The following SPSB4 variants were observed in gnomAD, a reference collection of about 807,000 sequenced individuals.
SPSB4 encodes splA/ryanodine receptor domain and SOCS box containing 4.
Under a neutral mutation model 20.9 loss-of-function variants are expected in SPSB4, and 21 were observed. The observed-to-expected ratio is 1.01, with a 90% confidence interval of 0.71 to 1.45. The LOEUF is 1.45. Among genes scored for constraint, SPSB4 ranks in the 40% most tolerant of loss-of-function variants. The pLI is 0.00. For missense variants in SPSB4, 399 were observed against 399.2 expected (o/e 1.00, Z 0.00); for synonymous variants, 207 against 183.8 (o/e 1.13, Z -1.02).
intron 1 of SPSB4, among the ~76,000 whole-genome samples, chr3:141,059,898 AAC>A (rs745465209): frequency 6.6e-6 from 1 of 152,250 alleles, no homozygotes; most frequent in Non-Finnish European, 1.5e-5. Flanking sequence ...CAGCACTTCC[AAC>A]CAGTCTCAGA....
intron 1 of SPSB4, among the ~76,000 whole-genome samples, chr3:141,064,398 G>A (rs1391706466): frequency 6.6e-6 from 1 of 152,198 alleles, no homozygotes; most frequent in African/African-American, 2.4e-5. Context: ...ACTGCCTAGT[G>A]TTGCAAATTG....
At chr3:141,059,275 G>A (rs1937718131) in intron 1 of SPSB4, among the ~76,000 whole-genome samples, 1 of 152,116 alleles carries the variant, frequency 6.6e-6, no homozygotes, top group Admixed American at 6.5e-5. Flanking sequence ...CTATCACACT[G>A]GGGCTTTGTG....
intron 1 of SPSB4, among the ~76,000 whole-genome samples, chr3:141,054,707 C>T (rs560373349): frequency 1.3e-5 from 2 of 152,184 alleles, no homozygotes; most frequent in Non-Finnish European, 2.9e-5. Context: ...GGTTCATGCC[C>T]GTAATCCCAG....
At chr3:141,067,843 G>T (rs1937921354) in intron 2 of SPSB4, among the ~76,000 whole-genome samples, 1 of 152,192 alleles carries the variant, frequency 6.6e-6, no homozygotes, top group Non-Finnish European at 1.5e-5. Flanking sequence ...CAGAGGTGGC[G>T]CTGAAAGCTA....
At chr3:141,052,319 G>A (rs762067385) in intron 1 of SPSB4, among the ~76,000 whole-genome samples, 7 of 152,194 alleles carry the variant, frequency 4.6e-5, no homozygotes, top group Non-Finnish European at 8.8e-5. Flanking sequence ...CCTTGGACAG[G>A]GCGCCAAACC....
At chr3:141,096,758 T>C (rs1191716655) in intron 2 of SPSB4, among the ~76,000 whole-genome samples, 1 of 152,244 alleles carries the variant, frequency 6.6e-6, no homozygotes, top group Non-Finnish European at 1.5e-5. Context: ...AATGCTTTTT[T>C]TTGGTAGATG....
At chr3:141,137,817 A>C (rs1939253522) in intron 2 of SPSB4, among the ~76,000 whole-genome samples, 1 of 152,184 alleles carries the variant, frequency 6.6e-6, no homozygotes, top group African/African-American at 2.4e-5. Flanking sequence ...TGTCTCTGAC[A>C]GGCTTTGGTA....
At chr3:141,059,436 A>C (rs2107775683) in intron 1 of SPSB4, among the ~76,000 whole-genome samples, 1 of 147,438 alleles carries the variant, frequency 6.8e-6, no homozygotes. Context: ...GGAAGCTTAC[A>C]GTCATGGCAG....
At chr3:141,086,431 G>C (rs1163092472) in intron 2 of SPSB4, among the ~76,000 whole-genome samples, 1 of 152,200 alleles carries the variant, frequency 6.6e-6, no homozygotes, top group Admixed American at 6.5e-5. Context: ...CAGTTTCCTT[G>C]CCTGTAAAAT....
Position 141,138,633 on chromosome 3 carries a change from A to G in SPSB4, c.695-8509A>G, listed in dbSNP as rs553670690. Among the ~76,000 whole-genome samples the G allele has an allele frequency of 4.3e-4, 65 of 152,258 alleles. 1 individual carries two copies. The highest frequency in any genetic ancestry group is 1.8e-3 in the Admixed American group (28 of 15,298). On this transcript the variant is annotated intron_variant, in intron 2 of 2. Coordinates refer to ENST00000310546, the MANE Select transcript of SPSB4 (RefSeq NM_080862.3). ...GGAGCAGGTTGTTCAGTTTCCATGCAATTGAGTGGTTTTGAGTGAGTTTCT... is the reference window on the plus strand; with the variant it reads ...GGAGCAGGTTGTTCAGTTTCCATGCGATTGAGTGGTTTTGAGTGAGTTTCT...
chr3:141,054,161 T>C (rs1166311774), intron 1 of SPSB4, among the ~76,000 whole-genome samples: 1 of 152,198 alleles, frequency 6.6e-6, no homozygotes, highest in Non-Finnish European at 1.5e-5. Context: ...CTAGTACAAC[T>C]CACCATACAG....
chr3:141,139,065 G>A (rs927837694), intron 2 of SPSB4, among the ~76,000 whole-genome samples: 6 of 152,062 alleles, frequency 3.9e-5, no homozygotes, highest in Non-Finnish European at 8.8e-5. Flanking sequence ...CTTCTTGTTG[G>A]ATGGATCCCT....
chr3:141,081,331 T>C (rs1405340590), intron 2 of SPSB4, among the ~76,000 whole-genome samples: 1 of 152,162 alleles, frequency 6.6e-6, no homozygotes, highest in South Asian at 2.1e-4. Context: ...AAAGTTCTAC[T>C]GGATGGGGCT....
chr3:141,115,518 G>A (rs1381629435), intron 2 of SPSB4, among the ~76,000 whole-genome samples: 3 of 152,172 alleles, frequency 2.0e-5, no homozygotes. Flanking sequence ...TATTCAGTTA[G>A]GTTACCTGCC....
At chr3:141,118,482 C>G (rs1938915554) in intron 2 of SPSB4, among the ~76,000 whole-genome samples, 1 of 152,162 alleles carries the variant, frequency 6.6e-6, no homozygotes. Flanking sequence ...TGTGCAGAAG[C>G]TCTTTAGTTT....
chr3:141,146,794 G>A (rs1026520436), intron 2 of SPSB4, among the ~76,000 whole-genome samples: 6 of 150,560 alleles, frequency 4.0e-5, no homozygotes, highest in Non-Finnish European at 7.4e-5. Flanking sequence ...AAAAAGACAC[G>A]CTGAACACCT....
intron 2 of SPSB4, among the ~76,000 whole-genome samples, chr3:141,099,848 G>A (rs1474225916): frequency 6.6e-6 from 1 of 152,172 alleles, no homozygotes; most frequent in East Asian, 1.9e-4. Context: ...GTCAAACAGA[G>A]CCTCTGTTTA....
intron 2 of SPSB4, among the ~76,000 whole-genome samples, chr3:141,132,829 C>G (rs1273956463): frequency 6.6e-6 from 1 of 152,156 alleles, no homozygotes; most frequent in Non-Finnish European, 1.5e-5. Flanking sequence ...AGTGAGATTG[C>G]TAGATCAAAC....
intron 2 of SPSB4, among the ~76,000 whole-genome samples, chr3:141,136,572 C>T (rs1335472258): frequency 6.6e-6 from 1 of 152,148 alleles, no homozygotes; most frequent in Non-Finnish European, 1.5e-5. Context: ...AGCCAGTTTT[C>T]CCAGCACCAT....
Sources: allele counts gnomAD v4.1 joint callset (sites outside exome capture counted in the v4.1 genomes callset), GRCh38; gene constraint gnomAD v4.1.1; transcripts MANE v1.5; gene names NCBI Gene and HGNC (gene_info 2026-07-23, HGNC 2026-07-21).